Variants in PCDH9 observed in about 807,000 individuals in gnomAD.
PCDH9 encodes the protein protocadherin 9.
PCDH9 carries 24 observed loss-of-function variants against 70.6 expected under a neutral mutation model. That is an observed-to-expected ratio of 0.34 (90% CI 0.25 to 0.48). The LOEUF is 0.48. Among genes scored for constraint, PCDH9 ranks in the 20% least tolerant of loss-of-function variants. The probability of loss-of-function intolerance (pLI) is 0.99; values close to 1 mark genes in which losing one functional copy is unlikely to be tolerated. For missense variants in PCDH9, 1,281 were observed against 1,503.6 expected (o/e 0.85, Z 2.45); for synonymous variants, 562 against 558.5 (o/e 1.01, Z -0.09).
chr13:66,815,564 A>G (rs552239990), intron 3 of PCDH9, among the ~76,000 whole-genome samples: 21 of 152,312 alleles, frequency 1.4e-4, no homozygotes, highest in African/African-American at 4.8e-4. Flanking sequence ...AATGTGGTAC[A>G]TATATACCAT....
chr13:67,036,021 C>T (rs2085002547), intron 2 of PCDH9, among the ~76,000 whole-genome samples: 1 of 152,136 alleles, frequency 6.6e-6, no homozygotes, highest in African/African-American at 2.4e-5. Flanking sequence ...ATTTCCAAAA[C>T]TCTAATAAAC....
At chr13:66,366,363 G>A (rs1956555250) in intron 4 of PCDH9, among the ~76,000 whole-genome samples, 2 of 151,904 alleles carry the variant, frequency 1.3e-5, no homozygotes, top group East Asian at 1.9e-4. Context: ...TTTTTTGCAT[G>A]TTCCTAAAAT....
chr13:66,405,015 G>T, intron 4 of PCDH9, among the ~76,000 whole-genome samples: 1 of 151,870 alleles, frequency 6.6e-6, no homozygotes, highest in East Asian at 1.9e-4. Flanking sequence ...AATGATATTT[G>T]TTTGCATCAC....
intron 4 of PCDH9, among the ~76,000 whole-genome samples, chr13:66,554,824 A>G (rs1961654746): frequency 6.6e-6 from 1 of 152,184 alleles, no homozygotes; most frequent in Non-Finnish European, 1.5e-5. Context: ...CCTTAGAAAA[A>G]AATAAAGAAC....
In PCDH9 at chr13:67,053,289, G is replaced by T. The variant is rs375090379; in HGVS notation, c.3037-149684C>A. 5.9e-5 allele frequency among the ~76,000 whole-genome samples: 9 copies of T among 152,236 alleles called. No individual in the cohort carries two copies. The South Asian group carries it at 1.2e-3, about 21-fold the overall frequency. Reference sequence around the variant, plus strand: ...CACATATGTTTAGAACTTTACTTTTGCTCTATCCTCCAGGAACTGCAGAAT... The same window carrying T: ...CACATATGTTTAGAACTTTACTTTTTCTCTATCCTCCAGGAACTGCAGAAT... On this transcript the variant is annotated intron_variant, in intron 2 of 4. Transcript: ENST00000377865.
At chr13:66,374,385 GA>G (rs1956713012) in intron 4 of PCDH9, among the ~76,000 whole-genome samples, 1 of 151,882 alleles carries the variant, frequency 6.6e-6, no homozygotes, top group Non-Finnish European at 1.5e-5. Context: ...CGTGAAGGAG[GA>G]ATTAAAAAGA....
chr13:66,532,807 T>C (rs1960526449), intron 4 of PCDH9, among the ~76,000 whole-genome samples: 1 of 152,162 alleles, frequency 6.6e-6, no homozygotes, highest in Non-Finnish European at 1.5e-5. Flanking sequence ...TACTAGCCAT[T>C]CTCCTCGGTC....
intron 2 of PCDH9, among the ~76,000 whole-genome samples, chr13:67,129,582 T>A (rs1258652259): frequency 6.6e-6 from 1 of 152,054 alleles, no homozygotes. Flanking sequence ...GGTTCTCTGC[T>A]AAGGGCACAA....
chr13:66,661,551 A>G (rs971862243), intron 3 of PCDH9, among the ~76,000 whole-genome samples: 7 of 152,228 alleles, frequency 4.6e-5, no homozygotes, highest in Non-Finnish European at 1.0e-4. Flanking sequence ...TCTGGATTAT[A>G]CCATGAAGTC....
At chr13:66,913,415 GTATC>G (rs2082503790) in intron 2 of PCDH9, among the ~76,000 whole-genome samples, 1 of 151,904 alleles carries the variant, frequency 6.6e-6, no homozygotes, top group Non-Finnish European at 1.5e-5. Context: ...AACTTGTACA[GTATC>G]TAGGAGTAAA....
At chr13:66,970,177 G>A (rs2083494801) in intron 2 of PCDH9, among the ~76,000 whole-genome samples, 1 of 152,028 alleles carries the variant, frequency 6.6e-6, no homozygotes, top group Admixed American at 6.6e-5. Flanking sequence ...AGAAAATCTA[G>A]TGGCATTACA....
intron 2 of PCDH9, among the ~76,000 whole-genome samples, chr13:67,051,040 T>C (rs534882994): frequency 6.6e-6 from 1 of 152,184 alleles, no homozygotes; most frequent in Non-Finnish European, 1.5e-5. Context: ...GGTTTTTGAA[T>C]TATATTAATG....
chr13:66,851,050 T>C (rs1442006), intron 3 of PCDH9, among the ~76,000 whole-genome samples: 86,444 of 151,996 alleles, frequency 0.57, 26,283 homozygotes, highest in South Asian at 0.68. Context: ...CTAGTTTAGG[T>C]TCTTCTAACG....
At chr13:66,983,587 A>G (rs1012865456) in intron 2 of PCDH9, among the ~76,000 whole-genome samples, 2 of 152,208 alleles carry the variant, frequency 1.3e-5, no homozygotes, top group African/African-American at 4.8e-5. Context: ...GATGCTGCAG[A>G]TGGCTTTAAA....
intron 4 of PCDH9, among the ~76,000 whole-genome samples, chr13:66,311,564 T>C (rs1240367442): frequency 6.6e-6 from 1 of 152,108 alleles, no homozygotes; most frequent in African/African-American, 2.4e-5. Flanking sequence ...CTATATTTAT[T>C]GAACAGTTGC....
At position 66,909,868 on chromosome 13, in the gene PCDH9, G is replaced by A. The variant is rs572782674; in HGVS notation, c.3037-6263C>T. 1.5e-4 allele frequency among the ~76,000 whole-genome samples: 23 copies of A among 152,022 alleles called. No homozygotes were observed. In the South Asian group the frequency reaches 4.4e-3, roughly 29 times the overall value. On this transcript the variant is annotated intron_variant, in intron 2 of 4. Coordinates refer to ENST00000377865, the MANE Select transcript of PCDH9 (RefSeq NM_203487.3). ...AACAAATAAGCTTATGTTCAACTTC[G>A]GGACCCTGACACATGTTCCTACCCA...
chr13:66,700,968 A>G (rs1226964853), intron 3 of PCDH9, among the ~76,000 whole-genome samples: 1 of 112,304 alleles, frequency 8.9e-6, no homozygotes, highest in South Asian at 2.7e-4. Context: ...ATATATATAT[A>G]TACTTTTTCA....
intron 4 of PCDH9, among the ~76,000 whole-genome samples, chr13:66,386,943 G>A (rs960022237): frequency 2.6e-5 from 4 of 151,918 alleles, no homozygotes; most frequent in African/African-American, 9.7e-5. Context: ...AATTCTTAAG[G>A]TTTTTATGTT....
chr13:66,754,282 T>G (rs1286354317), intron 3 of PCDH9, among the ~76,000 whole-genome samples: 1 of 152,078 alleles, frequency 6.6e-6, no homozygotes, highest in Non-Finnish European at 1.5e-5. Context: ...ATGTAGATGA[T>G]GGGTTGATGG....
Sources: allele counts gnomAD v4.1 joint callset (sites outside exome capture counted in the v4.1 genomes callset), GRCh38; gene constraint gnomAD v4.1.1; transcripts MANE v1.5; gene names NCBI Gene and HGNC (gene_info 2026-07-23, HGNC 2026-07-21).